The following SOX6 variants were observed in gnomAD, a reference collection of about 807,000 sequenced individuals.
SOX6 encodes SRY-box transcription factor 6, also known as transcription factor SOX-6.
In SOX6, 11 loss-of-function variants were observed where a neutral mutation model predicts 97.8. The ratio of observed to expected loss-of-function variants is 0.11; its 90% CI spans 0.07 to 0.19. The LOEUF (loss-of-function observed/expected upper bound fraction) is 0.19. Ranked by LOEUF, SOX6 falls within the 10% of genes least tolerant of loss-of-function variation. The pLI, the probability that SOX6 is intolerant of heterozygous loss-of-function variation, is 1.00. For synonymous variants in SOX6, 360 were observed against 371.4 expected (o/e 0.97, Z 0.35); for missense variants, 810 against 1,039.5 (o/e 0.78, Z 3.04).
At chr11:16,479,265 C>G (rs1590218387), upstream of SOX6, among the ~76,000 whole-genome samples, 1 of 152,308 alleles carries the variant, frequency 6.6e-6, no homozygotes, top group African/African-American at 2.4e-5. Flanking sequence ...AGGGGTGGCT[C>G]ATGCCTGTAA....
chr11:16,216,954 G>GC (rs1276660060), intron 4 of SOX6, among the ~76,000 whole-genome samples: 1 of 152,168 alleles, frequency 6.6e-6, no homozygotes, highest in African/African-American at 2.4e-5. Flanking sequence ...TTAGAGAACA[G>GC]CCATCATGCT....
intron 1 of SOX6, among the ~76,000 whole-genome samples, chr11:16,415,714 G>A (rs1454006916): frequency 6.6e-6 from 1 of 152,004 alleles, no homozygotes; most frequent in Non-Finnish European, 1.5e-5. Flanking sequence ...AAAATTATAT[G>A]CACAAAGAAC....
At chr11:16,358,849 T>C (rs1003457538), upstream of SOX6, among the ~76,000 whole-genome samples, 5 of 152,072 alleles carry the variant, frequency 3.3e-5, no homozygotes, top group African/African-American at 4.8e-5. Context: ...ATAGGAGAAA[T>C]ACTAAAATTG....
chr11:16,324,665 T>C (rs1192148346), intron 2 of SOX6, among the ~76,000 whole-genome samples: 1 of 152,164 alleles, frequency 6.6e-6, no homozygotes, highest in Non-Finnish European at 1.5e-5. Flanking sequence ...ATGATCAAAT[T>C]TGGGGAACTA....
At chr11:15,991,852 C>A (rs1854062146) in intron 13 of SOX6, among the ~76,000 whole-genome samples, 1 of 152,116 alleles carries the variant, frequency 6.6e-6, no homozygotes, top group Non-Finnish European at 1.5e-5. Context: ...CATACATATG[C>A]CCAATCTCTC....
At chr11:16,321,858 T>C (rs920373474) in intron 2 of SOX6, among the ~76,000 whole-genome samples, 2 of 152,154 alleles carry the variant, frequency 1.3e-5, no homozygotes, top group South Asian at 2.1e-4. Context: ...AAATTTACCA[T>C]TTCCAGCCAT....
At position 16,044,474 on chromosome 11, in the gene SOX6, C is replaced by T. The variant is rs145980646; in HGVS notation, c.1623+2040G>A. ...TGCACATTATACATTAATATTTACCCTCTTTGGCTCAGAAGAAAATCTGAT... is the reference window on the plus strand; with the variant it reads ...TGCACATTATACATTAATATTTACCTTCTTTGGCTCAGAAGAAAATCTGAT... On this transcript the variant is annotated intron_variant, in intron 12 of 15. Transcript: ENST00000683767. 6.0e-3 allele frequency among the ~76,000 whole-genome samples: 910 copies of T among 152,168 alleles called. 5 individuals carry two copies. The highest frequency in any genetic ancestry group is 9.4e-3 in the Non-Finnish European group (641 of 67,994).
At chr11:16,208,886 C>A (rs998753833) in intron 4 of SOX6, among the ~76,000 whole-genome samples, 1 of 152,108 alleles carries the variant, frequency 6.6e-6, no homozygotes, top group African/African-American at 2.4e-5. Flanking sequence ...TATGAAGATG[C>A]TTTATATTTC....
At chr11:16,575,347 G>C (rs560517745) in intron 4 of SOX6, among the ~76,000 whole-genome samples, 1 of 152,246 alleles carries the variant, frequency 6.6e-6, no homozygotes, top group South Asian at 2.1e-4. Flanking sequence ...ATCTAGAAAA[G>C]ATGAAGATAG....
intron 1 of SOX6, among the ~76,000 whole-genome samples, chr11:16,458,867 A>C (rs1403067435): frequency 6.6e-6 from 1 of 152,094 alleles, no homozygotes; most frequent in Non-Finnish European, 1.5e-5. Context: ...ACTGCAATGC[A>C]CAGAGGTGAA....
intron 2 of SOX6, among the ~76,000 whole-genome samples, chr11:16,339,803 G>A (rs948653423): frequency 3.3e-5 from 5 of 151,938 alleles, no homozygotes; most frequent in African/African-American, 4.8e-5. Context: ...TTGCCAATAC[G>A]CAAGTGGCAG....
intron 13 of SOX6, 57 bp downstream of exon 13, chr11:16,014,883 CAG>C: frequency 6.7e-7 from 1 of 1,484,516 alleles, no homozygotes; most frequent in Non-Finnish European, 9.4e-7. Flanking sequence ...ATATCTAGCT[CAG>C]ACACACATTT....
chr11:16,148,422 C>T (rs775177542), intron 6 of SOX6, among the ~76,000 whole-genome samples: 9 of 152,142 alleles, frequency 5.9e-5, no homozygotes, highest in African/African-American at 1.9e-4. Context: ...ATTGCAGGCA[C>T]ATGAGTGTGT....
intron 1 of SOX6, among the ~76,000 whole-genome samples, chr11:16,383,118 C>A (rs1408973216): frequency 6.6e-6 from 1 of 151,842 alleles, no homozygotes; most frequent in Non-Finnish European, 1.5e-5. Flanking sequence ...GAAATAGAGA[C>A]TTCTGTAACA....
chr11:16,267,340 T>A (rs1475195501), intron 3 of SOX6, among the ~76,000 whole-genome samples: 2 of 151,338 alleles, frequency 1.3e-5, no homozygotes, highest in Non-Finnish European at 3.0e-5. Flanking sequence ...TCAAACAACT[T>A]TATAAAAGAA....
At chr11:16,166,819 A>C (rs1850898798) in intron 6 of SOX6, among the ~76,000 whole-genome samples, 1 of 152,184 alleles carries the variant, frequency 6.6e-6, no homozygotes, top group South Asian at 2.1e-4. Context: ...TAGAAAAAAC[A>C]TTATGACAAC....
At chr11:16,317,680 A>G (rs1398002468) in intron 3 of SOX6, 3 of 153,174 alleles carry the variant, frequency 2.0e-5, no homozygotes, top group Non-Finnish European at 4.4e-5. Context: ...TCTATAGTAA[A>G]AAACAAAAGT....
At chr11:16,221,119 G>T (rs948809624) in intron 4 of SOX6, among the ~76,000 whole-genome samples, 1 of 151,990 alleles carries the variant, frequency 6.6e-6, no homozygotes, top group African/African-American at 2.4e-5. Flanking sequence ...ACTATTCAAG[G>T]TGTCCCTGAA....
At chr11:16,410,872 T>G (rs1407401837) in intron 1 of SOX6, among the ~76,000 whole-genome samples, 1 of 151,984 alleles carries the variant, frequency 6.6e-6, no homozygotes, top group African/African-American at 2.4e-5. Context: ...TTTTATCTTT[T>G]TTCTTATTGT....
Sources: gnomAD v4.1 joint callset for allele counts (sites outside exome capture counted in the v4.1 genomes callset) on GRCh38, gnomAD v4.1.1 for gene constraint, MANE v1.5 for transcripts, NCBI Gene and HGNC (gene_info 2026-07-23, HGNC 2026-07-21) for gene names.